Variants in CLCNKA observed in about 807,000 individuals in gnomAD.
The protein encoded by CLCNKA is chloride voltage-gated channel Ka, also known as chloride channel protein ClC-Ka.
In CLCNKA, 66 loss-of-function variants were observed where a neutral mutation model predicts 83.3. That is an observed-to-expected ratio of 0.79 (90% CI 0.65 to 0.97). The LOEUF is 0.97. CLCNKA is among the 50% of genes least tolerant of loss of function. CLCNKA has a pLI of 0.00. For synonymous variants in CLCNKA, 357 were observed against 370.4 expected, an observed-to-expected ratio of 0.96 and a Z score of 0.42; for missense variants, 806 against 888.7, an observed-to-expected ratio of 0.91 and a Z score of 1.18.
At chr1:16,031,078 C>A (rs914991596) in intron 15 of CLCNKA, among the ~76,000 whole-genome samples, 5 of 152,138 alleles carry the variant, frequency 3.3e-5, no homozygotes, top group African/African-American at 1.2e-4. Flanking sequence ...GGAGGTGGAA[C>A]GAGAATGGAA....
At chr1:16,026,491 G>C in intron 5 of CLCNKA, 45 bp from the exon 6 acceptor site, 1 of 1,589,810 alleles carries the variant, frequency 6.3e-7, no homozygotes, top group Non-Finnish European at 8.5e-7. Flanking sequence ...CTCGGGGTGA[G>C]ACTGTCTCTG....
At chr1:16,023,466 G>A (rs1205775381) in intron 2 of CLCNKA, among the ~76,000 whole-genome samples, 2 of 152,198 alleles carry the variant, frequency 1.3e-5, no homozygotes, top group African/African-American at 4.8e-5. Flanking sequence ...AGGGGCAGCA[G>A]TCCTGGCATC....
chr1:16,022,782 TC>T, intron 2 of CLCNKA, 63 bp downstream of exon 2: 1 of 1,198,126 alleles, frequency 8.3e-7, no homozygotes, highest in Non-Finnish European at 1.1e-6. Context: ...CCTGCCTGGC[TC>T]CCACCCCACC....
In CLCNKA at chr1:16,032,442, G is replaced by T; in HGVS notation, c.1846-1G>T. 1 of 1,612,166 alleles carries T rather than the reference G, an allele frequency of 6.2e-7. No individual in the cohort carries two copies. Among genetic ancestry groups the T allele is most frequent in the Non-Finnish European group, 8.5e-7 (1 of 1,178,946 alleles). The stretch of plus-strand genomic sequence containing the variant: ...CACCCATAACTCTTCCCCACTCCCA[G>T]CAGTGTCTCCAGGACATCTTGGCCA... On this transcript the variant is annotated splice_acceptor_variant, in intron 17 of 19. Transcript: ENST00000331433. LOFTEE classifies it high-confidence loss of function.
At chr1:16,022,258 G>A (rs1275500047) in intron 1 of CLCNKA, among the ~76,000 whole-genome samples, 195 bp downstream of exon 1, 1 of 152,088 alleles carries the variant, frequency 6.6e-6, no homozygotes, top group Non-Finnish European at 1.5e-5. Context: ...AGGGAGAGTC[G>A]GAGCCATCCA....
rs746852429 is a variant in CLCNKA, at chr1:16,029,621, T to C, written c.1228-110T>C. ...CAGACTCTGGCAGTGGGTGCATGGC[T>C]GGCACCCTCTTTCTATCTAGGACAC... On this transcript the variant is annotated intron_variant, in intron 12 of 19. Transcript: ENST00000331433. 13 of 1,389,464 alleles carry C rather than the reference T, an allele frequency of 9.4e-6. No individual in the cohort carries two copies. The East Asian group carries it at 1.1e-4, about 12-fold the overall frequency. 86.1% of individuals were successfully genotyped at this position (1,389,464 alleles called of 1,614,324 possible).
In CLCNKA at chr1:16,032,436, CT is replaced by C. The variant is rs2022663379; in HGVS notation, c.1846-6del. 1.9e-6 allele frequency: 3 copies of C among 1,610,750 alleles called. No homozygotes were observed. The highest frequency in any genetic ancestry group is 2.5e-6 in the Non-Finnish European group (3 of 1,177,666). Reference sequence around the variant, plus strand: ...GCCCTGCACCCATAACTCTTCCCCACTCCCAGCAGTGTCTCCAGGACATCTT... The same window carrying C: ...GCCCTGCACCCATAACTCTTCCCCACCCCAGCAGTGTCTCCAGGACATCTT... On this transcript the variant is annotated splice_polypyrimidine_tract_variant and splice_region_variant and intron_variant, in intron 17 of 19. Transcript: ENST00000331433.
intron 18 of CLCNKA, among the ~76,000 whole-genome samples, 186 bp downstream of exon 18, chr1:16,032,712 G>T (rs1195942785): frequency 1.3e-5 from 2 of 152,156 alleles, no homozygotes; most frequent in Non-Finnish European, 2.9e-5. Context: ...CGGGGATGAT[G>T]CAGAGAGATG....
rs1271239167 is a variant in CLCNKA, at chr1:16,028,571, C to T, written c.969-190C>T. On this transcript the variant is annotated intron_variant, in intron 10 of 19. Transcript: ENST00000331433. ...CCCTCAGTCATACCCAGTTGAGGGGCTCACCCCACGGGTTCTACCCGCTGG... is the reference window on the plus strand; with the variant it reads ...CCCTCAGTCATACCCAGTTGAGGGGTTCACCCCACGGGTTCTACCCGCTGG... 6.8e-6 allele frequency: 5 copies of T among 734,698 alleles called. No individual in the cohort carries two copies. In the East Asian group the frequency reaches 8.0e-5, roughly 12 times the overall value. 45.5% of individuals were successfully genotyped at this position (734,698 alleles called of 1,614,324 possible).
chr1:16,026,930 CGGCGG>C, intron 7 of CLCNKA, 155 bp downstream of exon 7: 3 of 1,004,882 alleles, frequency 3.0e-6, no homozygotes, highest in Non-Finnish European at 3.0e-6. Context: ...CCCCCGGGGG[CGGCGG>C]GGCGGGGCGG....
At chr1:16,028,450 G>A (rs546276694) in intron 10 of CLCNKA, among the ~76,000 whole-genome samples, 125 of 152,260 alleles carry the variant, frequency 8.2e-4, no homozygotes, top group Middle Eastern at 3.4e-3. Context: ...CTGCCCCGGA[G>A]ATGCACATGG....
At position 16,032,231 on chromosome 1, in the gene CLCNKA, G is replaced by A. The variant is rs1487321803; in HGVS notation, c.1785G>A (p.Gln595=). 1 of 1,612,710 alleles carries A rather than the reference G, an allele frequency of 6.2e-7. No individual in the cohort carries two copies. The highest frequency in any genetic ancestry group is 1.7e-5 in the Admixed American group (1 of 59,998). The stretch of plus-strand genomic sequence containing the variant: ...CCCAGATCCTGGTAGGCATCGTGCA[G>A]AGGGCCCAGCTGGTGCAGGCCCTCC... The part of the protein sequence containing the change: ...TESQILVGIV[Q]RAQLVQALQA... Residue 595 remains glutamine (Q), a synonymous_variant, in exon 17 of 20, where the codon CAG becomes CAA. Transcript: ENST00000331433.
At chr1:16,027,184 C>A in intron 7 of CLCNKA, 126 bp from the exon 8 acceptor site, 1 of 1,405,350 alleles carries the variant, frequency 7.1e-7, no homozygotes, top group Non-Finnish European at 9.9e-7. Context: ...CCCCTTCTGT[C>A]TGTCCCTGTC....
rs1041263113 is a variant in CLCNKA, at chr1:16,030,825, C to T, written c.1622+151C>T. On this transcript the variant is annotated intron_variant, in intron 15 of 19. Coordinates refer to ENST00000331433, the MANE Select transcript of CLCNKA (RefSeq NM_004070.4). Reference sequence around the variant, plus strand: ...TGACACACAGCTGTGCTCTCATCTCCACTCTCCCCAGTGCCCTGGGTGACC... The same window carrying T: ...TGACACACAGCTGTGCTCTCATCTCTACTCTCCCCAGTGCCCTGGGTGACC... 8.5e-6 allele frequency: 10 copies of T among 1,170,738 alleles called. No homozygotes were observed. The African/African-American group carries it at 1.5e-4, about 18-fold the overall frequency. The allele number at this position is 1,170,738 out of a possible 1,614,324, so 72.5% of individuals were successfully genotyped here.
At chr1:16,029,599 A>G in intron 12 of CLCNKA, 132 bp from the exon 13 acceptor site, 1 of 1,226,462 alleles carries the variant, frequency 8.2e-7, no homozygotes, top group Non-Finnish European at 1.2e-6. Flanking sequence ...CTAATGCCAG[A>G]CTCTGGCAGT....
chr1:16,033,338 G>C lies in CLCNKA; in HGVS notation c.2016+82G>C. ...GAGATGGGGAGGTGGGGGGACACCA[G>C]CATGCTCCCATCCAAACCTGGGGGG... On this transcript the variant is annotated intron_variant, in intron 19 of 19. Transcript: ENST00000331433. The C allele has an allele frequency of 2.1e-6, 3 of 1,438,060 alleles. 1 individual carries two copies. In the South Asian group the frequency reaches 3.5e-5, roughly 17 times the overall value. The allele number at this position is 1,438,060 out of a possible 1,614,324, so 89.1% of individuals were successfully genotyped here.
intron 8 of CLCNKA, 48 bp from the exon 9 acceptor site, chr1:16,027,773 G>C: frequency 6.6e-7 from 1 of 1,523,606 alleles, no homozygotes; most frequent in African/African-American, 1.4e-5. Flanking sequence ...CTTGAGTTTG[G>C]GTCGGGTGGG....
In CLCNKA at chr1:16,033,899, A is replaced by G. The variant is rs2022742305; in HGVS notation, c.*241A>G. On this transcript the variant is annotated 3_prime_UTR_variant, in exon 20 of 20. Coordinates refer to ENST00000331433, the MANE Select transcript of CLCNKA (RefSeq NM_004070.4). ...CAGAGCTGAGTGTGAGAAGATGGAA[A>G]ACCAGTATCTGCCAGGTGCTCAGTG... 1 of 632,550 alleles carries G rather than the reference A, an allele frequency of 1.6e-6. No homozygotes were observed. Among genetic ancestry groups the G allele is most frequent in the African/African-American group, 2.0e-5 (1 of 48,946 alleles). The allele number at this position is 632,550 out of a possible 1,614,324, so 39.2% of individuals were successfully genotyped here. A position where few individuals can be genotyped will look rare whatever the true frequency, so the allele number is the denominator to read the frequency against.
rs1165959277 is a variant in CLCNKA, at chr1:16,029,163, A to G, written c.1091A>G (p.Asn364Ser). 2 of 1,612,352 alleles carry G rather than the reference A, an allele frequency of 1.2e-6. No homozygotes were observed. The highest frequency in any genetic ancestry group is 1.1e-5 in the South Asian group (1 of 91,034). Residue 364 changes from asparagine (N) to serine (S), a missense_variant, in exon 12 of 20, where the codon AAC becomes AGC. Coordinates refer to ENST00000331433, the MANE Select transcript of CLCNKA (RefSeq NM_004070.4). The stretch of plus-strand genomic sequence containing the variant: ...CAGCATCTGGACTCGCTGTTCGACA[A>G]CCACTCCTGGGCGCTGATGACCCAG... The part of the protein sequence containing the change: ...MKQHLDSLFD[N>S]HSWALMTQNS...
Sources: gnomAD v4.1 joint callset for allele counts (sites outside exome capture counted in the v4.1 genomes callset) on GRCh38, gnomAD v4.1.1 for gene constraint, MANE v1.5 for transcripts, NCBI Gene and HGNC (gene_info 2026-07-23, HGNC 2026-07-21) for gene names.